Variants in TSC22D3 observed in about 807,000 individuals in gnomAD.
TSC22D3 encodes the protein TSC22 domain family member 3.
Under a neutral mutation model 11.1 loss-of-function variants are expected in TSC22D3, and 4 were observed. That is an observed-to-expected ratio of 0.36 (90% confidence interval 0.18 to 0.83). TSC22D3 has a LOEUF of 0.83. TSC22D3 is among the 40% of genes least tolerant of loss of function. The pLI is 0.48. For missense variants in TSC22D3, 118 were observed against 159.4 expected (o/e 0.74, Z 1.40); for synonymous variants, 77 against 70.3 (o/e 1.10, Z -0.48).
intron 1 of TSC22D3, among the ~76,000 whole-genome samples, chrX:107,728,599 A>G (rs1319048658): frequency 8.9e-6 from 1 of 112,184 alleles, no homozygotes; most frequent in Non-Finnish European, 1.9e-5. Flanking sequence ...AGAGGGATTT[A>G]GGGCTAGCAG....
At chrX:107,739,125 T>C (rs1201836315) in intron 1 of TSC22D3, among the ~76,000 whole-genome samples, 1 of 113,172 alleles carries the variant, frequency 8.8e-6, no homozygotes, top group Non-Finnish European at 1.9e-5. Context: ...GCAGCTGACA[T>C]GCTGCTGGTG....
chrX:107,756,174 A>G (rs897762660), intron 1 of TSC22D3, among the ~76,000 whole-genome samples: 1 of 111,967 alleles, frequency 8.9e-6, no homozygotes, highest in Admixed American at 9.4e-5. Flanking sequence ...GTGTAGTAGC[A>G]TGTTCTTGAC....
chrX:107,728,177 T>G (rs991479731), intron 1 of TSC22D3, among the ~76,000 whole-genome samples: 1 of 111,492 alleles, frequency 9.0e-6, no homozygotes, highest in African/African-American at 3.3e-5. Flanking sequence ...AAAAAAAGGT[T>G]ATGTATGTGT....
At chrX:107,751,136 G>A (rs1928913538) in intron 1 of TSC22D3, among the ~76,000 whole-genome samples, 1 of 112,057 alleles carries the variant, frequency 8.9e-6, no homozygotes, top group Admixed American at 9.4e-5. Context: ...CCAGAGCAGA[G>A]GATCAGCAGC....
chrX:107,754,250 T>C (rs745431323), intron 1 of TSC22D3, among the ~76,000 whole-genome samples: 1 of 111,747 alleles, frequency 8.9e-6, no homozygotes, highest in Non-Finnish European at 1.9e-5. Context: ...TAGCTAGACA[T>C]GATGTTTCTC....
At chrX:107,720,077 A>G (rs184958392) in intron 1 of TSC22D3, among the ~76,000 whole-genome samples, 1 of 111,348 alleles carries the variant, frequency 9.0e-6, no homozygotes, top group East Asian at 2.8e-4. Context: ...AATGCAGTCA[A>G]ACTTTGAGTT....
chrX:107,716,453 T>C (rs1251716102), intron 1 of TSC22D3: 1 of 987,375 alleles, frequency 1.0e-6, no homozygotes, highest in African/African-American at 2.1e-5. Flanking sequence ...CGGCTGCCTC[T>C]GCGGCTGCAG....
chrX:107,769,672 C>T (rs1478432691), intron 1 of TSC22D3, among the ~76,000 whole-genome samples: 2 of 109,536 alleles, frequency 1.8e-5, no homozygotes, highest in East Asian at 5.6e-4. Flanking sequence ...TATATATGTA[C>T]TATGTACAAT....
intron 1 of TSC22D3, among the ~76,000 whole-genome samples, chrX:107,771,072 C>T (rs1243506550): frequency 8.9e-6 from 1 of 111,936 alleles, no homozygotes; most frequent in East Asian, 2.8e-4. Flanking sequence ...ACATTTTGAC[C>T]ATTTGGAAAG....
intron 1 of TSC22D3, among the ~76,000 whole-genome samples, chrX:107,739,614 A>C (rs1928302532): frequency 8.9e-6 from 1 of 112,341 alleles, no homozygotes; most frequent in South Asian, 3.7e-4. Flanking sequence ...GAGTCTGGAG[A>C]AGTTGTGTGG....
intron 1 of TSC22D3, among the ~76,000 whole-genome samples, chrX:107,770,300 C>T (rs1160570729): frequency 9.0e-6 from 1 of 111,666 alleles, no homozygotes; most frequent in Non-Finnish European, 1.9e-5. Flanking sequence ...GGCAGCCACT[C>T]AAATCATGCC....
intron 1 of TSC22D3, among the ~76,000 whole-genome samples, chrX:107,752,604 TCGTAGC>T (rs758449390): frequency 5.3e-5 from 6 of 112,164 alleles, no homozygotes; most frequent in Admixed American, 1.9e-4. Context: ...GTGGACTTTC[TCGTAGC>T]CTGTCTCAAA....
In TSC22D3 at chrX:107,775,161, C is replaced by G; in HGVS notation, c.259G>C (p.Glu87Gln). 1 of 1,212,036 alleles carries G rather than the reference C, an allele frequency of 8.3e-7. No individual in the cohort carries two copies. Among genetic ancestry groups the G allele is most frequent in the Non-Finnish European group, 1.1e-6 (1 of 895,586 alleles). ...TCGATGTTGCGGTTGCAGATGCCCT[C>G]GTTGATCAGGTAGCAGGGGTCCCGC... is the stretch of plus-strand genomic sequence containing the variant. Reference protein sequence around the residue: ...VLRDPCYLINEGICNRNIDQT... With the variant: ...VLRDPCYLINQGICNRNIDQT... The change falls in exon 1 of 3, where the codon GAG becomes CAG. Residue 87 changes from glutamate to glutamine, a missense_variant. Coordinates refer to ENST00000372383, the MANE Select transcript of TSC22D3 (RefSeq NM_198057.3).
chrX:107,748,496 T>C (rs1928775208), intron 1 of TSC22D3, among the ~76,000 whole-genome samples: 1 of 111,737 alleles, frequency 8.9e-6, no homozygotes, highest in South Asian at 3.7e-4. Context: ...CAAAGTTCCA[T>C]ACTGCTTCTG....
intron 1 of TSC22D3, chrX:107,716,329 A>G (rs1927027282): frequency 1.1e-6 from 1 of 911,081 alleles, no homozygotes; most frequent in African/African-American, 2.1e-5. Context: ...CTCTGAAGCT[A>G]GCTAGGAATT....
At chrX:107,773,538 A>T (rs1436534970) in intron 1 of TSC22D3, among the ~76,000 whole-genome samples, 1 of 112,374 alleles carries the variant, frequency 8.9e-6, no homozygotes, top group East Asian at 2.8e-4. Context: ...CTTTCACTAG[A>T]AATGAAGATT....
At chrX:107,763,333 C>T (rs1017280092) in intron 1 of TSC22D3, among the ~76,000 whole-genome samples, 5 of 111,454 alleles carry the variant, frequency 4.5e-5, no homozygotes, top group African/African-American at 1.3e-4. Context: ...TTTCCTGACA[C>T]TTCACAATCA....
At chrX:107,721,666 A>G (rs1052019991) in intron 1 of TSC22D3, among the ~76,000 whole-genome samples, 2 of 112,340 alleles carry the variant, frequency 1.8e-5, no homozygotes, top group Non-Finnish European at 1.9e-5. Context: ...GGAAAAAGAC[A>G]TGATGCGAGA....
intron 1 of TSC22D3, among the ~76,000 whole-genome samples, chrX:107,771,770 C>T (rs1035213422): frequency 1.8e-5 from 2 of 112,051 alleles, no homozygotes; most frequent in Non-Finnish European, 3.8e-5. Context: ...TCTTCCCCAA[C>T]CCAATTGTTT....
Sources: gnomAD v4.1 joint callset for allele counts (sites outside exome capture counted in the v4.1 genomes callset) on GRCh38, gnomAD v4.1.1 for gene constraint, MANE v1.5 for transcripts, NCBI Gene and HGNC (gene_info 2026-07-23, HGNC 2026-07-21) for gene names.